The following SYT1 variants were observed in gnomAD, a reference collection of about 807,000 sequenced individuals.
The protein encoded by SYT1 is synaptotagmin-1.
Under a neutral mutation model 44.8 loss-of-function variants are expected in SYT1, and 8 were observed. The ratio of observed to expected loss-of-function variants is 0.18; its 90% CI spans 0.10 to 0.32. The LOEUF is 0.32. SYT1 is among the 10% of genes least tolerant of loss of function. The pLI, the probability that SYT1 is intolerant of heterozygous loss-of-function variation, is 1.00. For synonymous variants in SYT1, 154 were observed against 188.8 expected (o/e 0.82, Z 1.51); for missense variants, 286 against 509.3 (o/e 0.56, Z 4.22).
chr12:79,360,102 T>C (rs1883261513), intron 9 of SYT1, among the ~76,000 whole-genome samples: 1 of 152,174 alleles, frequency 6.6e-6, no homozygotes, highest in African/African-American at 2.4e-5. Flanking sequence ...GTTATTTTTA[T>C]GCATCTTAAA....
At chr12:79,023,811 G>A (rs1194247906) in intron 2 of SYT1, among the ~76,000 whole-genome samples, 2 of 151,058 alleles carry the variant, frequency 1.3e-5, no homozygotes, top group Non-Finnish European at 3.0e-5. Flanking sequence ...CTCTCTCCAT[G>A]CACATTCATC....
At chr12:79,363,171 G>A (rs1883386485) in intron 9 of SYT1, among the ~76,000 whole-genome samples, 1 of 152,040 alleles carries the variant, frequency 6.6e-6, no homozygotes, top group Non-Finnish European at 1.5e-5. Context: ...ATAGGTAATT[G>A]CACTGGGAGG....
intron 4 of SYT1, among the ~76,000 whole-genome samples, chr12:79,281,396 A>G (rs552710876): frequency 4.1e-4 from 62 of 152,314 alleles, no homozygotes; most frequent in African/African-American, 1.4e-3. Flanking sequence ...CTTGGTTAGA[A>G]TTGGAGGCTA....
At chr12:79,197,922 C>G (rs1241103265) in intron 3 of SYT1, among the ~76,000 whole-genome samples, 1 of 152,040 alleles carries the variant, frequency 6.6e-6, no homozygotes, top group East Asian at 1.9e-4. Context: ...ACAACTAAGA[C>G]AGCTAAGAAA....
At chr12:79,378,763 T>C (rs1289385295) in intron 9 of SYT1, among the ~76,000 whole-genome samples, 1 of 152,144 alleles carries the variant, frequency 6.6e-6, no homozygotes, top group East Asian at 1.9e-4. Context: ...TCTAGGTCAG[T>C]AGTGATTAAT....
intron 4 of SYT1, among the ~76,000 whole-genome samples, chr12:79,246,442 C>A (rs1435546238): frequency 1.3e-5 from 2 of 152,066 alleles, no homozygotes; most frequent in Admixed American, 6.6e-5. Context: ...GCCGCTATAA[C>A]AAAATATGTG....
rs1336041247 is a variant in SYT1, at chr12:79,445,923, T to G, written c.1062+1717T>G. On this transcript the variant is annotated intron_variant, in intron 10 of 10. Coordinates refer to ENST00000261205, the MANE Select transcript of SYT1 (RefSeq NM_005639.3). ...ATATATAATAAGTATAGCTATATAA[T>G]ATATACATATATAAAATAAGTATAG... is the stretch of plus-strand genomic sequence containing the variant. 2.1e-5 allele frequency among the ~76,000 whole-genome samples: 3 copies of G among 141,406 alleles called. No individual in the cohort carries two copies. The East Asian group carries it at 6.0e-4, about 28-fold the overall frequency. The allele number at this position is 141,406 out of a possible 152,430, so 92.8% of individuals were successfully genotyped here.
chr12:78,946,187 A>T lies in SYT1; in HGVS notation c.-216-31612A>T, dbSNP rs181322221. ...AAAACATTTAAAATCTGAAGTAAAC[A>T]TTTCCAAAAGATCATCTCTTCCAAT... On this transcript the variant is annotated intron_variant, in intron 1 of 10. Coordinates refer to ENST00000261205, the MANE Select transcript of SYT1 (RefSeq NM_005639.3). Among the ~76,000 whole-genome samples, 811 of 152,308 alleles carry T rather than the reference A, an allele frequency of 5.3e-3. 33 individuals are homozygous for T. Among genetic ancestry groups the T allele is most frequent in the Non-Finnish European group, 1.3e-3 (89 of 68,018 alleles).
intron 2 of SYT1, among the ~76,000 whole-genome samples, chr12:79,018,699 C>T (rs1246170275): frequency 6.6e-6 from 1 of 151,944 alleles, no homozygotes; most frequent in African/African-American, 2.4e-5. Context: ...CAAGACATTC[C>T]TGGAAGAAAA....
chr12:79,041,869 A>T (rs1166528111), intron 2 of SYT1, among the ~76,000 whole-genome samples: 304 of 152,158 alleles, frequency 2.0e-3, no homozygotes, highest in African/African-American at 7.1e-3. Context: ...TTTTTCTGCA[A>T]CTATTGAGAT....
intron 3 of SYT1, among the ~76,000 whole-genome samples, chr12:79,105,448 T>A (rs188235306): frequency 6.3e-4 from 96 of 152,298 alleles, no homozygotes; most frequent in Non-Finnish European, 8.4e-4. Flanking sequence ...TTAAGCAGAA[T>A]ATGAAACATC....
intron 3 of SYT1, among the ~76,000 whole-genome samples, chr12:79,059,745 C>A (rs1232052002): frequency 6.6e-6 from 1 of 152,016 alleles, no homozygotes; most frequent in East Asian, 1.9e-4. Context: ...TTAGACAGCC[C>A]CAGATAGCCC....
intron 3 of SYT1, among the ~76,000 whole-genome samples, chr12:79,119,703 T>C (rs1879489552): frequency 6.6e-6 from 1 of 152,182 alleles, no homozygotes; most frequent in East Asian, 1.9e-4. Context: ...AAGATATTCT[T>C]GTAAATGAAC....
rs1207542231 is a variant in SYT1, at chr12:79,296,218, T to C, written c.624T>C (p.Asn208=). 5.6e-6 allele frequency: 9 copies of C among 1,612,092 alleles called. No homozygotes were observed. Among genetic ancestry groups the C allele is most frequent in the Non-Finnish European group, 7.6e-6 (9 of 1,179,450 alleles). ...VHRKTLNPVF[N]EQFTFKVPYS... ...GAAAAACCCTTAATCCTGTCTTCAA[T>C]GAGCAATTTACTTTCAAGGTATTTG... The change falls in exon 7 of 11, where the codon AAT becomes AAC. Residue 208 remains asparagine, a synonymous_variant. Coordinates refer to ENST00000261205, the MANE Select transcript of SYT1 (RefSeq NM_005639.3).
At chr12:78,988,631 A>G (rs1411907992) in intron 2 of SYT1, among the ~76,000 whole-genome samples, 2 of 151,944 alleles carry the variant, frequency 1.3e-5, no homozygotes, top group Non-Finnish European at 2.9e-5. Flanking sequence ...AACAAGACAC[A>G]ACAACAGAGG....
chr12:79,177,891 G>A (rs1172763731), intron 3 of SYT1, among the ~76,000 whole-genome samples: 1 of 68,870 alleles, frequency 1.5e-5, no homozygotes, highest in African/African-American at 8.4e-5. Flanking sequence ...TTTTGATGGG[G>A]TTGTTTGTTT....
At chr12:79,092,698 C>T (rs1337102791) in intron 3 of SYT1, among the ~76,000 whole-genome samples, 1 of 151,622 alleles carries the variant, frequency 6.6e-6, no homozygotes, top group African/African-American at 2.4e-5. Context: ...TCAAATACTA[C>T]GATCTCAAAA....
chr12:79,057,188 T>C (rs746404383), intron 3 of SYT1, among the ~76,000 whole-genome samples: 13 of 152,056 alleles, frequency 8.5e-5, no homozygotes, highest in Non-Finnish European at 1.6e-4. Flanking sequence ...AGATGAAAAA[T>C]CTGGTTCAGC....
intron 9 of SYT1, among the ~76,000 whole-genome samples, chr12:79,412,794 G>A (rs4445702): frequency 0.19 from 28,651 of 152,000 alleles, 3,201 homozygotes; most frequent in East Asian, 0.51. Flanking sequence ...AAAAATTAAC[G>A]TTTTACATTG....
Sources: allele counts gnomAD v4.1 joint callset (sites outside exome capture counted in the v4.1 genomes callset), GRCh38; gene constraint gnomAD v4.1.1; transcripts MANE v1.5; gene names NCBI Gene and HGNC (gene_info 2026-07-23, HGNC 2026-07-21).